The following STK24 variants were observed in gnomAD, a reference collection of about 807,000 sequenced individuals.
The protein encoded by STK24 is serine/threonine kinase 24.
Under a neutral mutation model 55.6 loss-of-function variants are expected in STK24, and 21 were observed. The observed-to-expected ratio is 0.38, with a 90% CI of 0.27 to 0.54. The LOEUF (loss-of-function observed/expected upper bound fraction) is 0.54, where lower values mean the gene tolerates loss of function less well. Ranked by LOEUF, STK24 falls within the 20% of genes least tolerant of loss-of-function variation. The pLI, the probability that STK24 is intolerant of heterozygous loss-of-function variation, is 0.79. For missense variants in STK24, 383 were observed against 538.4 expected (o/e 0.71, Z 2.86); for synonymous variants, 200 against 215.2 (o/e 0.93, Z 0.62).
chr13:98,448,003 G>A lies in STK24; in HGVS notation c.*5170C>T, dbSNP rs1892961856. Reference sequence around the variant, plus strand: ...TAACTGCTCCAATGGAGCGGGCAGTGTCACTGCAGCAAGGTACTTCCAGCT... The same window carrying A: ...TAACTGCTCCAATGGAGCGGGCAGTATCACTGCAGCAAGGTACTTCCAGCT... On this transcript the variant is annotated 3_prime_UTR_variant, in exon 11 of 11. Coordinates refer to ENST00000539966, the MANE Select transcript of STK24 (RefSeq NM_001032296.4). 1.7e-6 allele frequency: 1 copy of A among 571,514 alleles called. No individual in the cohort carries two copies. Among genetic ancestry groups the A allele is most frequent in the Non-Finnish European group, 3.1e-6 (1 of 319,672 alleles). 35.4% of individuals were successfully genotyped at this position (571,514 alleles called of 1,614,324 possible). A position where few individuals can be genotyped will look rare whatever the true frequency, so the allele number is the denominator to read the frequency against.
chr13:98,492,076 CGTGTGTGTGTGT>C (rs56956881), intron 2 of STK24, among the ~76,000 whole-genome samples: 97 of 149,634 alleles, frequency 6.5e-4, no homozygotes, highest in Middle Eastern at 6.9e-3. Context: ...AGTGCGTGCG[CGTGTGTGTGTGT>C]GTGTGTGTGT....
At chr13:98,459,541 T>C (rs113231049) in intron 9 of STK24, among the ~76,000 whole-genome samples, 3,500 of 152,280 alleles carry the variant, frequency 0.023, 146 homozygotes, top group African/African-American at 0.078. Flanking sequence ...GCACGGCCCA[T>C]GGCCGGGGGT....
In STK24 at chr13:98,446,994, G is replaced by C; in HGVS notation, c.*6179C>G. 1 of 645,312 alleles carries C rather than the reference G, an allele frequency of 1.5e-6. No homozygotes were observed. The highest frequency in any genetic ancestry group is 2.6e-6 in the Non-Finnish European group (1 of 378,738). The allele number at this position is 645,312 out of a possible 1,614,324, so 40.0% of individuals were successfully genotyped here. On this transcript the variant is annotated 3_prime_UTR_variant, in exon 11 of 11. Transcript: ENST00000539966. ...GGCGATTCTGTTCTCATGGCAGAAA[G>C]TGGGGTCCCAACTTCCCTGCGCCCT...
At chr13:98,455,695 C>T (rs2139238847) in intron 10 of STK24, 1 of 152,430 alleles carries the variant, frequency 6.6e-6, no homozygotes, top group Non-Finnish European at 1.5e-5. Flanking sequence ...AAGCCACACA[C>T]TCTGTGCCCT....
chr13:98,487,793 A>G (rs952368524), intron 2 of STK24, among the ~76,000 whole-genome samples: 10 of 152,018 alleles, frequency 6.6e-5, no homozygotes, highest in Admixed American at 2.6e-4. Flanking sequence ...AGAGCTGTAC[A>G]TTTGTCAGTT....
chr13:98,448,369 T>C lies in STK24; in HGVS notation c.*4804A>G, dbSNP rs1253341095. ...GGCTGCTTTCCTGGAAGACGTTTCC[T>C]TTCTTCTGTATTAATGAAGCCTGGT... On this transcript the variant is annotated 3_prime_UTR_variant, in exon 11 of 11. Coordinates refer to ENST00000539966, the MANE Select transcript of STK24 (RefSeq NM_001032296.4). 3 of 1,382,880 alleles carry C rather than the reference T, an allele frequency of 2.2e-6. No homozygotes were observed. The highest frequency in any genetic ancestry group is 3.1e-6 in the Non-Finnish European group (3 of 968,930). The allele number at this position is 1,382,880 out of a possible 1,614,324, so 85.7% of individuals were successfully genotyped here.
chr13:98,471,821 T>C (rs1240597739), intron 5 of STK24, among the ~76,000 whole-genome samples: 1 of 152,150 alleles, frequency 6.6e-6, no homozygotes, highest in Admixed American at 6.5e-5. Flanking sequence ...CACCCTTCCT[T>C]TGACAATCTG....
chr13:98,532,225 C>T (rs1344577123), intron 1 of STK24, among the ~76,000 whole-genome samples: 1 of 152,120 alleles, frequency 6.6e-6, no homozygotes, highest in African/African-American at 2.4e-5. Flanking sequence ...CCTTTCTACA[C>T]CTGGGAAAAA....
chr13:98,548,326 G>A (rs943866928), intron 1 of STK24, among the ~76,000 whole-genome samples: 9 of 152,304 alleles, frequency 5.9e-5, no homozygotes, highest in African/African-American at 2.2e-4. Flanking sequence ...CCATTATGGT[G>A]TGACCTGCAG....
intron 1 of STK24, among the ~76,000 whole-genome samples, chr13:98,539,606 A>G (rs897210892): frequency 2.0e-5 from 3 of 152,224 alleles, no homozygotes; most frequent in Non-Finnish European, 1.5e-5. Flanking sequence ...CCAGCACAGT[A>G]ATGACGGCTG....
chr13:98,466,941 G>A (rs1893947767), intron 5 of STK24, among the ~76,000 whole-genome samples: 2 of 152,140 alleles, frequency 1.3e-5, no homozygotes, highest in Admixed American at 6.5e-5. Context: ...AGAACTTAGG[G>A]CACAGCTCTG....
chr13:98,461,949 G>A (rs1893724423), intron 7 of STK24, 52 bp from the exon 8 acceptor site: 5 of 1,603,772 alleles, frequency 3.1e-6, no homozygotes, highest in Non-Finnish European at 4.3e-6. Context: ...CCTGCTCTGG[G>A]GGCGCTGGGA....
intron 3 of STK24, among the ~76,000 whole-genome samples, chr13:98,477,407 C>T (rs1303960731): frequency 6.6e-6 from 1 of 152,168 alleles, no homozygotes; most frequent in Non-Finnish European, 1.5e-5. Flanking sequence ...CGCGGTGGCT[C>T]ATGCCTGTAA....
intron 2 of STK24, among the ~76,000 whole-genome samples, chr13:98,486,634 C>A (rs558625307): frequency 4.2e-4 from 64 of 152,308 alleles, no homozygotes; most frequent in African/African-American, 1.3e-3. Flanking sequence ...CGGTGACACA[C>A]CCCAGGTTCT....
chr13:98,462,385 C>G (rs1466271861), intron 7 of STK24, among the ~76,000 whole-genome samples: 1 of 152,136 alleles, frequency 6.6e-6, no homozygotes, highest in Non-Finnish European at 1.5e-5. Flanking sequence ...CAAAGCCCAC[C>G]CGTGTCCCTC....
rs747229119 is a variant in STK24, at chr13:98,546,910, TG to T, written c.43-27438del. On this transcript the variant is annotated intron_variant, in intron 1 of 10. Coordinates refer to ENST00000539966, the MANE Select transcript of STK24 (RefSeq NM_001032296.4). ...TCCATATCTAATTGTTGTTTTTTTT[TG>T]TTTGTTTGTTTGTTTTTGAGATGGA... 4.2e-3 allele frequency among the ~76,000 whole-genome samples: 632 copies of T among 152,004 alleles called. 4 individuals are homozygous for T. Among genetic ancestry groups the T allele is most frequent in the African/African-American group, 0.013 (534 of 41,366 alleles).
chr13:98,522,087 C>T (rs1286575445), intron 1 of STK24: 13 of 1,349,202 alleles, frequency 9.6e-6, no homozygotes, highest in Admixed American at 6.7e-5. Context: ...AGCCTGGCTC[C>T]GCTCTGGATC....
intron 8 of STK24, among the ~76,000 whole-genome samples, chr13:98,460,673 A>G (rs973043456): frequency 1.3e-5 from 2 of 152,120 alleles, no homozygotes; most frequent in East Asian, 1.9e-4. Flanking sequence ...GGAAACCAGC[A>G]TCTGGGTTCC....
intron 3 of STK24, among the ~76,000 whole-genome samples, chr13:98,478,452 G>C (rs1894466054): frequency 6.6e-6 from 1 of 152,214 alleles, no homozygotes; most frequent in African/African-American, 2.4e-5. Flanking sequence ...GCTTGGTCTT[G>C]GCCCTGAAGC....
Sources: allele counts gnomAD v4.1 joint callset (sites outside exome capture counted in the v4.1 genomes callset), GRCh38; gene constraint gnomAD v4.1.1; transcripts MANE v1.5; gene names NCBI Gene and HGNC (gene_info 2026-07-23, HGNC 2026-07-21).